NCOA3: variants seen among roughly 807,000 people sequenced by gnomAD.
The protein encoded by NCOA3 is nuclear receptor coactivator 3.
Under a neutral mutation model 158.8 loss-of-function variants are expected in NCOA3, and 51 were observed. The ratio of observed to expected loss-of-function variants is 0.32; its 90% CI spans 0.26 to 0.41. The LOEUF is 0.41. Ranked by LOEUF, NCOA3 falls within the 10% of genes least tolerant of loss-of-function variation. NCOA3 has a pLI of 1.00. For missense variants in NCOA3, 1,510 were observed against 1,746.6 expected (o/e 0.86, Z 2.41); for synonymous variants, 537 against 592.4 (o/e 0.91, Z 1.36).
At chr20:47,518,430 T>TTTG (rs1211195437) in intron 1 of NCOA3, among the ~76,000 whole-genome samples, 1 of 150,820 alleles carries the variant, frequency 6.6e-6, no homozygotes, top group African/African-American at 2.4e-5. Flanking sequence ...GTTTTTTTTT[T>TTTG]TTTTTTGAGA....
In NCOA3 at chr20:47,639,620, A is replaced by G. The variant is rs1381074516; in HGVS notation, c.2751A>G (p.Ser917=). Residue 917 remains serine, a synonymous_variant, in exon 15 of 23, where the codon TCA becomes TCG. Coordinates refer to ENST00000371998, the MANE Select transcript of NCOA3 (RefSeq NM_181659.3). The part of the protein sequence containing the change: ...RNVTVTQTPS[S]GDWGLPNSKA... ...TGACTGTGACTCAGACTCCTTCCTCAGGAGACTGGGGCTTACCAAACTCAA... is the reference window on the plus strand; with the variant it reads ...TGACTGTGACTCAGACTCCTTCCTCGGGAGACTGGGGCTTACCAAACTCAA... 6.2e-7 allele frequency: 1 copy of G among 1,613,876 alleles called. No individual in the cohort carries two copies. The highest frequency in any genetic ancestry group is 1.1e-5 in the South Asian group (1 of 91,074).
chr20:47,587,785 AACAT>A (rs1175792400), intron 2 of NCOA3, among the ~76,000 whole-genome samples: 2 of 152,172 alleles, frequency 1.3e-5, no homozygotes, highest in Non-Finnish European at 2.9e-5. Context: ...TGTTCATTGA[AACAT>A]ACATATACAT....
intron 1 of NCOA3, among the ~76,000 whole-genome samples, chr20:47,532,398 GAA>G (rs1191851286): frequency 1.4e-5 from 2 of 148,126 alleles, no homozygotes; most frequent in African/African-American, 2.6e-5. Context: ...AGTAGCAAGA[GAA>G]ATCTGAGAGG....
At chr20:47,609,789 C>A in intron 2 of NCOA3, among the ~76,000 whole-genome samples, 1 of 151,374 alleles carries the variant, frequency 6.6e-6, no homozygotes, top group East Asian at 1.9e-4. Context: ...AAAGAAAAAA[C>A]CAAGCTATGT....
intron 1 of NCOA3, among the ~76,000 whole-genome samples, chr20:47,516,470 T>G (rs1324176053): frequency 6.6e-6 from 1 of 152,062 alleles, no homozygotes; most frequent in South Asian, 2.1e-4. Context: ...AGAGCAAGGG[T>G]CTAGACTATC....
intron 1 of NCOA3, among the ~76,000 whole-genome samples, chr20:47,567,072 G>A (rs995586883): frequency 2.6e-4 from 39 of 147,672 alleles, no homozygotes; most frequent in African/African-American, 9.0e-4. Context: ...ATTTTGAGAC[G>A]GAGTCTTGCT....
intron 1 of NCOA3, among the ~76,000 whole-genome samples, chr20:47,536,889 C>T (rs1468957441): frequency 2.6e-5 from 4 of 151,406 alleles, no homozygotes; most frequent in South Asian, 2.1e-4. Flanking sequence ...CTGCAACCTC[C>T]GCCTCCTGGA....
intron 1 of NCOA3, among the ~76,000 whole-genome samples, chr20:47,503,769 A>G (rs563670199): frequency 1.1e-4 from 16 of 152,186 alleles, no homozygotes; most frequent in South Asian, 6.2e-4. Context: ...TGTATGTACA[A>G]TGAATCCTCT....
chr20:47,571,478 C>T (rs754539033), intron 1 of NCOA3, among the ~76,000 whole-genome samples: 8 of 151,766 alleles, frequency 5.3e-5, no homozygotes, highest in South Asian at 2.1e-4. Flanking sequence ...CCACCACACC[C>T]GGCTAATTTT....
At chr20:47,640,146 A>C in intron 16 of NCOA3, 95 bp downstream of exon 16, 2 of 1,508,040 alleles carry the variant, frequency 1.3e-6, no homozygotes, top group Non-Finnish European at 1.8e-6. Flanking sequence ...GAGAATGAGA[A>C]TTCCCTATAA....
intron 1 of NCOA3, 145 bp downstream of exon 1, chr20:47,502,164 C>A (rs1372868397): frequency 7.6e-6 from 3 of 397,282 alleles, no homozygotes; most frequent in Non-Finnish European, 1.3e-5. Context: ...GGGGGACGCG[C>A]TGAGGTAGTT....
intron 2 of NCOA3, among the ~76,000 whole-genome samples, chr20:47,601,516 A>G (rs1395401076): frequency 6.6e-6 from 1 of 152,250 alleles, no homozygotes; most frequent in Non-Finnish European, 1.5e-5. Flanking sequence ...TAATTAAGAA[A>G]TAGAATTAGC....
At chr20:47,521,181 G>T (rs538751746) in intron 1 of NCOA3, among the ~76,000 whole-genome samples, 54 of 152,222 alleles carry the variant, frequency 3.5e-4, no homozygotes, top group Middle Eastern at 6.8e-3. Flanking sequence ...GCACTGCGTG[G>T]GTCCTGATTT....
intron 1 of NCOA3, among the ~76,000 whole-genome samples, chr20:47,551,575 T>A (rs1184533134): frequency 6.6e-6 from 1 of 152,164 alleles, no homozygotes; most frequent in African/African-American, 2.4e-5. Context: ...CCAGGATGTG[T>A]GTGTGTTTCT....
At chr20:47,633,470 CTT>C in intron 8 of NCOA3, 24 bp from the exon 9 acceptor site, 1 of 1,592,406 alleles carries the variant, frequency 6.3e-7, no homozygotes, top group Non-Finnish European at 8.5e-7. Flanking sequence ...GGATATAAGT[CTT>C]TTTTTCCTTT....
At chr20:47,555,687 G>A (rs1187879572) in intron 1 of NCOA3, among the ~76,000 whole-genome samples, 2 of 137,272 alleles carry the variant, frequency 1.5e-5, no homozygotes, top group African/African-American at 5.5e-5. Context: ...CGCCCAGGCT[G>A]GAGTGCAGTT....
chr20:47,647,083 T>C lies in NCOA3; in HGVS notation c.3263T>C (p.Leu1088Ser). The change falls in exon 18 of 23, where the codon TTA becomes TCA. Residue 1088 changes from leucine to serine, a missense_variant. Physicochemically the swap from Leu to Ser is moderately radical, Grantham distance 145. This residue lies in a region of NCOA3 where 1,017 missense variants were observed against 1,098.3 expected (regional missense o/e 0.93). Coordinates refer to ENST00000371998, the MANE Select transcript of NCOA3 (RefSeq NM_181659.3). ...TGTGTTGTGTTTAAGGGACAGGCAT[T>C]AGAGCCCAAACAGGATGCTTTCCAA... ...IPELVNQGQA[L>S]EPKQDAFQGQ... is the part of the protein sequence containing the mutation. The C allele has an allele frequency of 6.2e-7, 1 of 1,613,596 alleles. No homozygotes were observed. The highest frequency in any genetic ancestry group is 8.5e-7 in the Non-Finnish European group (1 of 1,179,622).
chr20:47,561,081 C>T (rs920358321), intron 1 of NCOA3, among the ~76,000 whole-genome samples: 6 of 150,596 alleles, frequency 4.0e-5, no homozygotes, highest in East Asian at 1.9e-4. Flanking sequence ...ATCCTCCTAC[C>T]GCAGCCTCCA....
At chr20:47,608,607 C>T (rs1373136769) in intron 2 of NCOA3, among the ~76,000 whole-genome samples, 2 of 148,100 alleles carry the variant, frequency 1.4e-5, no homozygotes, top group Non-Finnish European at 3.0e-5. Context: ...CCATTGCACT[C>T]CAGCCTGGGT....
Sources: gnomAD v4.1 joint callset for allele counts (sites outside exome capture counted in the v4.1 genomes callset) on GRCh38, gnomAD v4.1.1 for gene constraint, gnomAD v4.1.1 regional missense constraint, MANE v1.5 for transcripts, NCBI Gene and HGNC (gene_info 2026-07-23, HGNC 2026-07-21) for gene names.